The following DUSP15 variants were observed in gnomAD, a reference collection of about 807,000 sequenced individuals.
DUSP15 encodes the protein dual specificity phosphatase 15.
In DUSP15, 23 loss-of-function variants were observed where a neutral mutation model predicts 26.3. The observed-to-expected ratio is 0.87, with a 90% CI of 0.63 to 1.24. The LOEUF is 1.24. DUSP15 is among the 50% of genes most tolerant of loss of function. DUSP15 has a pLI of 0.00. For synonymous variants in DUSP15, 143 were observed against 135.5 expected (o/e 1.06, Z -0.39); for missense variants, 364 against 320.6 (o/e 1.14, Z -1.03).
intron 4 of DUSP15, chr20:31,864,419 G>A (rs558248915): frequency 1.6e-5 from 17 of 1,033,416 alleles, no homozygotes; most frequent in African/African-American, 5.1e-5. Context: ...CATCCCAAGC[G>A]GGGAGGCACT....
At chr20:31,855,418 C>T (rs2062544542) in intron 6 of DUSP15, among the ~76,000 whole-genome samples, 3 of 152,098 alleles carry the variant, frequency 2.0e-5, no homozygotes, top group Non-Finnish European at 4.4e-5. Context: ...TGAGGGTCGA[C>T]TGTGTGTGGT....
chr20:31,870,564 G>A (rs774923051), upstream of DUSP15: 3 of 1,463,136 alleles, frequency 2.1e-6, no homozygotes, highest in Non-Finnish European at 2.7e-6. The surrounding 1 kb of genome is among the most constrained non-coding windows in gnomAD (Gnocchi z 6.6). Context: ...CGCCGCCGCA[G>A]GCTCCTCCTA....
chr20:31,861,731 G>GCAGCCGGGGGGGCCCCCCCCCCCCC, intron 6 of DUSP15, 56 bp from the exon 7 acceptor site: 1 of 1,327,996 alleles, frequency 7.5e-7, no homozygotes. Flanking sequence ...CGGGGTCAAG[G>GCAGCCGGGGGGGCCCCCCCCCCCCC]CAGCCGGCCC....
intron 6 of DUSP15, among the ~76,000 whole-genome samples, chr20:31,853,091 C>T (rs911278645): frequency 6.6e-6 from 1 of 152,088 alleles, no homozygotes; most frequent in African/African-American, 2.4e-5. Flanking sequence ...CCTCCTTTTC[C>T]CTTTCCTTTC....
chr20:31,870,406 C>T lies in DUSP15; in HGVS notation c.-69G>A. ...CGGGAAGCGATCCGGTCACAGCTGCCCTGACGGCCCAGGCCCGACGCCTGC... is the reference window on the plus strand; with the variant it reads ...CGGGAAGCGATCCGGTCACAGCTGCTCTGACGGCCCAGGCCCGACGCCTGC... On this transcript the variant is annotated 5_prime_UTR_variant, in exon 1 of 7. Coordinates refer to ENST00000339738, the MANE Select transcript of DUSP15 (RefSeq NM_080611.5). The surrounding 1 kb of genome is among the most constrained non-coding windows in gnomAD (Gnocchi z 6.6). The T allele has an allele frequency of 7.8e-7, 1 of 1,288,076 alleles. No individual in the cohort carries two copies. Among genetic ancestry groups the T allele is most frequent in the Non-Finnish European group, 9.8e-7 (1 of 1,020,092 alleles). The allele number at this position is 1,288,076 out of a possible 1,614,324, so 79.8% of individuals were successfully genotyped here.
intron 9 of DUSP15, chr20:31,848,760 G>T (rs1212467964): frequency 1.9e-6 from 3 of 1,571,964 alleles, no homozygotes; most frequent in Non-Finnish European, 2.6e-6. Flanking sequence ...TGTCTGGAGG[G>T]GACTGGAGGG....
downstream of DUSP15, chr20:31,845,757 G>A (rs898847215): frequency 9.7e-6 from 6 of 616,392 alleles, no homozygotes; most frequent in Non-Finnish European, 1.7e-5. Context: ...GAGGCCAGTA[G>A]TGGGAAGCCG....
intron 4 of DUSP15, 122 bp downstream of exon 4, chr20:31,864,831 G>T: frequency 9.6e-7 from 1 of 1,039,890 alleles, no homozygotes; most frequent in South Asian, 1.4e-5. Context: ...GGGACTGGTT[G>T]AGTTGAACAC....
chr20:31,848,324 C>A, exon 10 of DUSP15: 1 of 1,461,560 alleles, frequency 6.8e-7, no homozygotes, highest in Non-Finnish European at 9.2e-7. Flanking sequence ...GGGTGATGTG[C>A]CGGGGGAGGC....
At chr20:31,864,301 CA>C in intron 4 of DUSP15, 1 of 1,124,558 alleles carries the variant, frequency 8.9e-7, no homozygotes, top group Non-Finnish European at 1.1e-6. Context: ...GGAGGAAACA[CA>C]GGGGTCCCAC....
chr20:31,857,306 T>A (rs1460996577), downstream of DUSP15, among the ~76,000 whole-genome samples: 3 of 151,790 alleles, frequency 2.0e-5, no homozygotes. Context: ...TCTTTCTAAA[T>A]GCAAATCTGG....
At chr20:31,861,886 C>A (rs1010483992) in intron 6 of DUSP15, among the ~76,000 whole-genome samples, 1 of 152,114 alleles carries the variant, frequency 6.6e-6, no homozygotes, top group South Asian at 2.1e-4. Flanking sequence ...AGGCCCCTCC[C>A]TCTCCCTGAC....
At chr20:31,849,918 T>C in intron 7 of DUSP15, 3 of 1,434,950 alleles carry the variant, frequency 2.1e-6, no homozygotes, top group Non-Finnish European at 2.7e-6. Context: ...TGGGCGGCGC[T>C]AGCTCCCCTC....
chr20:31,870,543 G>C (rs1381229477), upstream of DUSP15: 3 of 1,451,376 alleles, frequency 2.1e-6, no homozygotes, highest in Non-Finnish European at 2.7e-6. The surrounding 1 kb of genome is among the most constrained non-coding windows in gnomAD (Gnocchi z 6.6). Context: ...TGGAGCCGCC[G>C]CTGCCACCGC....
In DUSP15 at chr20:31,867,134, C is replaced by G; in HGVS notation, c.75G>C (p.Gln25His). The G allele has an allele frequency of 6.3e-7, 1 of 1,589,816 alleles. No homozygotes were observed. Among genetic ancestry groups the G allele is most frequent in the Non-Finnish European group, 8.6e-7 (1 of 1,167,322 alleles). The part of the protein sequence containing the change: ...GNFIDAKDLD[Q>H]LGRNKITHII... ...TGTGTGTGATCTTATTTCGGCCCAG[C>G]TGATCCAGGTCTTTGGCATCTGAAA... Residue 25 changes from glutamine (Q) to histidine (H), a missense_variant, in exon 3 of 7, where the codon CAG becomes CAC. Transcript: ENST00000339738.
chr20:31,862,112 A>G (rs1410277089), intron 6 of DUSP15, among the ~76,000 whole-genome samples: 1 of 152,100 alleles, frequency 6.6e-6, no homozygotes, highest in Non-Finnish European at 1.5e-5. Flanking sequence ...CAACCTGCTG[A>G]GAGCCCTCCC....
At chr20:31,846,016 G>A (rs1313872539), downstream of DUSP15, among the ~76,000 whole-genome samples, 1 of 151,792 alleles carries the variant, frequency 6.6e-6, no homozygotes, top group African/African-American at 2.4e-5. Flanking sequence ...CAGACACAAC[G>A]GACAGAGACA....
At chr20:31,862,483 G>A in intron 6 of DUSP15, 88 bp downstream of exon 6, 2 of 1,470,616 alleles carry the variant, frequency 1.4e-6, no homozygotes, top group African/African-American at 1.4e-5. Context: ...TGAGGCACAG[G>A]CTAAAAATGT....
At chr20:31,851,411 G>A (rs534113712) in intron 6 of DUSP15, among the ~76,000 whole-genome samples, 2 of 152,250 alleles carry the variant, frequency 1.3e-5, no homozygotes, top group South Asian at 2.1e-4. Flanking sequence ...GGAGCCGGAG[G>A]TGATGGAGCT....
Sources: gnomAD v4.1 joint callset for allele counts (sites outside exome capture counted in the v4.1 genomes callset) on GRCh38, gnomAD v4.1.1 for gene constraint, Gnocchi (gnomAD v3.1) non-coding constraint, MANE v1.5 for transcripts, NCBI Gene and HGNC (gene_info 2026-07-23, HGNC 2026-07-21) for gene names.